The following PITPNB variants were observed in gnomAD, a reference collection of about 807,000 sequenced individuals.
PITPNB encodes phosphatidylinositol transfer protein beta isoform.
A neutral mutation model predicts 45.9 loss-of-function variants in PITPNB; 16 were observed. The ratio of observed to expected loss-of-function variants is 0.35; its 90% CI spans 0.24 to 0.53. The LOEUF is 0.53. Ranked by LOEUF, PITPNB falls within the 20% of genes least tolerant of loss-of-function variation. PITPNB has a pLI of 0.93. For missense variants in PITPNB, 188 were observed against 330.5 expected (o/e 0.57, Z 3.34); for synonymous variants, 112 against 108.9 (o/e 1.03, Z -0.18).
chr22:27,912,943 A>G (rs1159684763), intron 2 of PITPNB, among the ~76,000 whole-genome samples: 1 of 142,208 alleles, frequency 7.0e-6, no homozygotes, highest in Non-Finnish European at 1.5e-5. Flanking sequence ...AGATCGCAAT[A>G]CTGTACTCCA....
At chr22:27,871,165 A>G (rs1001490253) in intron 8 of PITPNB, among the ~76,000 whole-genome samples, 1 of 152,248 alleles carries the variant, frequency 6.6e-6, no homozygotes. Flanking sequence ...TAAAAGACAA[A>G]GCAATATCAG....
chr22:27,853,388 T>C lies in PITPNB; in HGVS notation c.*314A>G. On this transcript the variant is annotated 3_prime_UTR_variant, in exon 12 of 12. Transcript: ENST00000335272. ...GCATTCTTGCTGAAGATAGGTACAGTACTTTGGAGAAATTGTACTAATCCC... is the reference window on the plus strand; with the variant it reads ...GCATTCTTGCTGAAGATAGGTACAGCACTTTGGAGAAATTGTACTAATCCC... 1 of 483,408 alleles carries C rather than the reference T, an allele frequency of 2.1e-6. No individual in the cohort carries two copies. The highest frequency in any genetic ancestry group is 3.7e-6 in the Non-Finnish European group (1 of 273,836). The allele number at this position is 483,408 out of a possible 1,614,324, so 29.9% of individuals were successfully genotyped here. A position where few individuals can be genotyped will look rare whatever the true frequency, so the allele number is the denominator to read the frequency against.
intron 10 of PITPNB, 151 bp from the exon 11 acceptor site, chr22:27,855,090 C>A (rs1934132959): frequency 3.4e-6 from 2 of 591,888 alleles, no homozygotes; most frequent in South Asian, 4.8e-5. Context: ...CCTCAAATAA[C>A]CTTGGTTTGA....
chr22:27,854,916 TC>T lies in PITPNB; in HGVS notation c.791del (p.Arg264GlnfsTer10). 6.2e-7 allele frequency: 1 copy of T among 1,613,696 alleles called. No homozygotes were observed. Among genetic ancestry groups the T allele is most frequent in the Non-Finnish European group, 8.5e-7 (1 of 1,179,616 alleles). On this transcript the variant is annotated frameshift_variant, in exon 11 of 12. Coordinates refer to ENST00000335272, the MANE Select transcript of PITPNB (RefSeq NM_012399.5). LOFTEE classifies it high-confidence loss of function. The part of the protein sequence containing the change: ...LETMRKRGSV[R>X]GTSAADV Reference sequence around the variant, plus strand: ...TCTAGACATCAGCAGCCGACGTGCCTCGAACGGAACCCCTCTTACGCATCTA... The same window carrying T: ...TCTAGACATCAGCAGCCGACGTGCCTGAACGGAACCCCTCTTACGCATCTA...
chr22:27,868,984 T>C (rs1374618269), intron 8 of PITPNB, among the ~76,000 whole-genome samples: 1 of 152,028 alleles, frequency 6.6e-6, no homozygotes, highest in Admixed American at 6.6e-5. Context: ...GAAACCATAA[T>C]CGTCAAAGGT....
At chr22:27,918,881 G>C (rs1193289275) in intron 1 of PITPNB, among the ~76,000 whole-genome samples, 1 of 152,104 alleles carries the variant, frequency 6.6e-6, no homozygotes. Flanking sequence ...GGGAGAAGGC[G>C]GGTCCCAGCG....
chr22:27,884,143 G>A (rs567553510), intron 7 of PITPNB, among the ~76,000 whole-genome samples: 5 of 152,318 alleles, frequency 3.3e-5, no homozygotes, highest in Admixed American at 2.0e-4. Context: ...ACAGTGTAGG[G>A]AGGGAAGGCT....
chr22:27,904,192 C>G (rs1490058708), intron 3 of PITPNB, among the ~76,000 whole-genome samples: 4 of 152,324 alleles, frequency 2.6e-5, no homozygotes, highest in African/African-American at 9.6e-5. Flanking sequence ...CAAATGTTAA[C>G]AGCAGCATTA....
intron 8 of PITPNB, among the ~76,000 whole-genome samples, chr22:27,872,418 A>ATT (rs1319948560): frequency 6.6e-6 from 1 of 150,474 alleles, no homozygotes; most frequent in Non-Finnish European, 1.5e-5. Context: ...TATAATACCC[A>ATT]TTCTCAGGTT....
intron 7 of PITPNB, among the ~76,000 whole-genome samples, chr22:27,880,960 C>T (rs546213978): frequency 1.3e-5 from 2 of 152,154 alleles, no homozygotes; most frequent in African/African-American, 2.4e-5. Context: ...TAAGCAAGCA[C>T]GACATAAGCA....
In PITPNB at chr22:27,851,785, C is replaced by CA. The variant is rs1482549475; in HGVS notation, c.*1916dup. On this transcript the variant is annotated 3_prime_UTR_variant, in exon 12 of 12. Transcript: ENST00000335272. ...ATTTTACATTCACCACACATTCCCT[C>CA]AAATCTCCACAGTTGTTAGAAAAAC... The CA allele has an allele frequency of 2.0e-4, 30 of 152,180 alleles. No individual in the cohort carries two copies. The highest frequency in any genetic ancestry group is 5.9e-5 in the Non-Finnish European group (4 of 68,042). The allele number at this position is 152,180 out of a possible 1,614,324, so 9.4% of individuals were successfully genotyped here.
chr22:27,880,472 G>A (rs1029928070), intron 7 of PITPNB, among the ~76,000 whole-genome samples: 33 of 151,986 alleles, frequency 2.2e-4, no homozygotes, highest in African/African-American at 7.5e-4. Context: ...CCCCACCCAA[G>A]GAACTAGAGC....
intron 7 of PITPNB, among the ~76,000 whole-genome samples, chr22:27,892,844 CA>C (rs1353398266): frequency 6.6e-6 from 1 of 152,198 alleles, no homozygotes; most frequent in East Asian, 1.9e-4. Context: ...TCAGTGCTCA[CA>C]CTTCTAAGCA....
chr22:27,867,249 A>G (rs1319963236), intron 8 of PITPNB, among the ~76,000 whole-genome samples: 1 of 152,000 alleles, frequency 6.6e-6, no homozygotes, highest in Non-Finnish European at 1.5e-5. Context: ...CAGGAGATGG[A>G]GGAGGTGGGG....
chr22:27,855,707 T>A (rs1934153345), intron 10 of PITPNB, among the ~76,000 whole-genome samples: 3 of 152,234 alleles, frequency 2.0e-5, no homozygotes, highest in African/African-American at 2.4e-5. Context: ...CCAGGGCAGT[T>A]CCCTGCAGAT....
intron 7 of PITPNB, among the ~76,000 whole-genome samples, chr22:27,884,593 G>A (rs1055127651): frequency 3.9e-5 from 6 of 152,184 alleles, no homozygotes; most frequent in African/African-American, 1.4e-4. Context: ...CATGGTCTTG[G>A]CACTGTGGTC....
At position 27,918,613 on chromosome 22, in the gene PITPNB, G is replaced by A. The variant is rs114645686; in HGVS notation, c.20+559C>T. On this transcript the variant is annotated intron_variant, in intron 1 of 11. Coordinates refer to ENST00000335272, the MANE Select transcript of PITPNB (RefSeq NM_012399.5). ...GAAAAGGCTCTCCCGTCAAGTCAGC[G>A]GAGCTGCCCAGGAGAGCGGAGGCTT... 8.6e-3 allele frequency among the ~76,000 whole-genome samples: 1,306 copies of A among 152,342 alleles called. 19 individuals carry two copies. Among genetic ancestry groups the A allele is most frequent in the African/African-American group, 0.03 (1,247 of 41,562 alleles).
intron 7 of PITPNB, among the ~76,000 whole-genome samples, chr22:27,881,463 G>A (rs575709083): frequency 6.6e-6 from 1 of 152,268 alleles, no homozygotes; most frequent in South Asian, 2.1e-4. Context: ...AGAAATGAAC[G>A]TCTAGGTTCA....
intron 8 of PITPNB, among the ~76,000 whole-genome samples, chr22:27,868,986 G>A (rs10483139): frequency 0.028 from 4,240 of 152,134 alleles, 64 homozygotes; most frequent in Non-Finnish European, 0.032. Context: ...AACCATAATC[G>A]TCAAAGGTAG....
Sources: gnomAD v4.1 joint callset for allele counts (sites outside exome capture counted in the v4.1 genomes callset) on GRCh38, gnomAD v4.1.1 for gene constraint, MANE v1.5 for transcripts, NCBI Gene and HGNC (gene_info 2026-07-23, HGNC 2026-07-21) for gene names.